The following ACSS2 variants were observed in gnomAD, a reference collection of about 807,000 sequenced individuals.
The protein encoded by ACSS2 is acyl-CoA synthetase short chain family member 2, also known as acetyl-coenzyme A synthetase, cytoplasmic.
A neutral mutation model predicts 90.6 loss-of-function variants in ACSS2; 58 were observed. The observed-to-expected ratio is 0.64, with a 90% confidence interval of 0.52 to 0.80. ACSS2 has a LOEUF of 0.80. ACSS2 is among the 30% of genes least tolerant of loss of function. The pLI, the probability that ACSS2 is intolerant of heterozygous loss-of-function variation, is 0.00. For synonymous variants in ACSS2, 300 were observed against 330.9 expected (o/e 0.91, Z 1.01); for missense variants, 759 against 912.0 (o/e 0.83, Z 2.16).
In ACSS2 at chr20:34,914,445, T is replaced by C; in HGVS notation, c.834+8T>C. On this transcript the variant is annotated splice_region_variant and intron_variant, in intron 7 of 17. Coordinates refer to ENST00000360596, the MANE Select transcript of ACSS2 (RefSeq NM_018677.4). ...TCATGCCCAGATGTGCAGGTGAGTC[T>C]GGCACTGCTATGCCTTTCTCCAGGC... 6.2e-7 allele frequency: 1 copy of C among 1,600,126 alleles called. No individual in the cohort carries two copies.
chr20:34,904,773 C>T (rs554696232), intron 2 of ACSS2, among the ~76,000 whole-genome samples: 27 of 152,222 alleles, frequency 1.8e-4, no homozygotes, highest in African/African-American at 5.5e-4. Flanking sequence ...GACTGTGTAC[C>T]ATGGGTTGTC....
intron 2 of ACSS2, among the ~76,000 whole-genome samples, chr20:34,903,476 G>C (rs1333766683): frequency 6.6e-6 from 1 of 152,124 alleles, no homozygotes; most frequent in African/African-American, 2.4e-5. Flanking sequence ...GACCGGGGTG[G>C]AGACAATGAA....
At chr20:34,880,792 A>G (rs1027438871) in intron 1 of ACSS2, among the ~76,000 whole-genome samples, 1 of 152,054 alleles carries the variant, frequency 6.6e-6, no homozygotes, top group Admixed American at 6.6e-5. Flanking sequence ...ACAACGTTGT[A>G]CACTATGTGA....
intron 2 of ACSS2, among the ~76,000 whole-genome samples, chr20:34,884,191 C>T (rs545451336): frequency 6.6e-6 from 1 of 152,196 alleles, no homozygotes; most frequent in Non-Finnish European, 1.5e-5. Context: ...AACTCCTGAA[C>T]TCAAGCGATC....
chr20:34,909,404 G>A (rs1422845096), intron 2 of ACSS2, among the ~76,000 whole-genome samples: 1 of 151,926 alleles, frequency 6.6e-6, no homozygotes, highest in Non-Finnish European at 1.5e-5. Context: ...AAGAGAAATA[G>A]TTCTTTAAGT....
chr20:34,895,413 G>T (rs2080438707), intron 2 of ACSS2, among the ~76,000 whole-genome samples: 1 of 152,146 alleles, frequency 6.6e-6, no homozygotes, highest in Non-Finnish European at 1.5e-5. Flanking sequence ...TCTTTCTTAA[G>T]ATAAATATGT....
rs59343003 is a variant in ACSS2 at position 34,919,576 on chromosome 20, AGTGTGTGTGTGTGTGTGTGT to A, written c.972+29_972+48del. 3.2e-5 allele frequency: 47 copies of A among 1,475,110 alleles called. No homozygotes were observed. The highest frequency in any genetic ancestry group is 8.7e-5 in the African/African-American group (6 of 68,634). The allele number at this position is 1,475,110 out of a possible 1,614,324, so 91.4% of individuals were successfully genotyped here. A position where few individuals can be genotyped will look rare whatever the true frequency, so the allele number is the denominator to read the frequency against. ...TGGCTCCACAGGCAAACCCAAGGCA[AGTGTGTGTGTGTGTGTGTGT>A]GTGTGTGTGTGTGTGTGTGTGTGTA... On this transcript the variant is annotated splice_donor_5th_base_variant and intron_variant, in intron 8 of 17. Coordinates refer to ENST00000360596, the MANE Select transcript of ACSS2 (RefSeq NM_018677.4).
chr20:34,921,658 T>C, intron 12 of ACSS2, 58 bp downstream of exon 12: 7 of 1,613,330 alleles, frequency 4.3e-6, no homozygotes, highest in Non-Finnish European at 5.9e-6. Flanking sequence ...CTTGGGGCAC[T>C]TGGCCTAGTT....
intron 2 of ACSS2, chr20:34,908,646 G>A: frequency 4.9e-6 from 1 of 205,850 alleles, no homozygotes; most frequent in Non-Finnish European, 9.9e-6. Flanking sequence ...TGGATCACCT[G>A]ACGTCAGGAG....
In ACSS2 at chr20:34,915,374, G is replaced by T; in HGVS notation, c.834+937G>T. 4.1e-6 allele frequency: 5 copies of T among 1,205,698 alleles called. No homozygotes were observed. In the South Asian group the frequency reaches 5.0e-5, roughly 12 times the overall value. 74.7% of individuals were successfully genotyped at this position (1,205,698 alleles called of 1,614,324 possible). ...TGCCAGACCTAACCTCCTTCCCCTT[G>T]CCCCTGGGCAACTTGACATCTAAGC... On this transcript the variant is annotated intron_variant, in intron 7 of 17. Coordinates refer to ENST00000360596, the MANE Select transcript of ACSS2 (RefSeq NM_018677.4).
chr20:34,925,793 C>A (rs368792018), intron 15 of ACSS2, 27 bp downstream of exon 15: 2 of 1,604,496 alleles, frequency 1.2e-6, no homozygotes, highest in Admixed American at 1.7e-5. Flanking sequence ...ACCTTCCCAT[C>A]TTATTAACTC....
chr20:34,897,529 G>T (rs969143438), intron 2 of ACSS2, among the ~76,000 whole-genome samples: 11 of 152,136 alleles, frequency 7.2e-5, no homozygotes, highest in African/African-American at 2.7e-4. Flanking sequence ...CCATGTTATA[G>T]GCCGGATGCA....
chr20:34,913,928 A>T, intron 5 of ACSS2, 103 bp downstream of exon 5: 4 of 1,388,448 alleles, frequency 2.9e-6, no homozygotes, highest in Non-Finnish European at 4.1e-6. Flanking sequence ...GAGGGTAGAG[A>T]CTGCCTGCCT....
intron 2 of ACSS2, among the ~76,000 whole-genome samples, chr20:34,893,055 C>T (rs2080373292): frequency 6.6e-6 from 1 of 152,146 alleles, no homozygotes; most frequent in Admixed American, 6.5e-5. Context: ...GTACTATTAC[C>T]ATTCTTTCAC....
At chr20:34,902,971 A>G (rs1205892726) in intron 2 of ACSS2, among the ~76,000 whole-genome samples, 2 of 149,980 alleles carry the variant, frequency 1.3e-5, no homozygotes, top group Non-Finnish European at 3.0e-5. Flanking sequence ...GGGCTCAAGC[A>G]ATCCTCCCAC....
intron 7 of ACSS2, 79 bp downstream of exon 7, chr20:34,914,516 C>T (rs1303867815): frequency 1.8e-5 from 22 of 1,241,996 alleles, no homozygotes; most frequent in East Asian, 2.5e-5. Context: ...TGATGTCCTT[C>T]TTTGCCTGCT....
At chr20:34,879,247 G>T (rs1439642357) in intron 1 of ACSS2, among the ~76,000 whole-genome samples, 1 of 151,760 alleles carries the variant, frequency 6.6e-6, no homozygotes, top group Non-Finnish European at 1.5e-5. Context: ...GCTCCACCCT[G>T]CCTCTCTATT....
Position 34,889,209 on chromosome 20 carries a change from G to A in ACSS2, c.374+6220G>A, listed in dbSNP as rs77970233. ...ACAATCTTCGCTCACTGCAAGCTCT[G>A]CCTCCTGGGTTCACACCATTCTCCT... On this transcript the variant is annotated intron_variant, in intron 2 of 17. Transcript: ENST00000360596. Among the ~76,000 whole-genome samples the A allele has an allele frequency of 2.4e-3, 359 of 152,080 alleles. 13 individuals carry two copies. The East Asian group carries it at 0.065, about 27-fold the overall frequency.
intron 5 of ACSS2, 58 bp from the exon 6 acceptor site, chr20:34,914,038 G>T: frequency 1.3e-6 from 2 of 1,579,160 alleles, no homozygotes; most frequent in Non-Finnish European, 1.7e-6. Flanking sequence ...TATGGACATT[G>T]TGCCCACTAG....
Sources: gnomAD v4.1 joint callset for allele counts (sites outside exome capture counted in the v4.1 genomes callset) on GRCh38, gnomAD v4.1.1 for gene constraint, MANE v1.5 for transcripts, NCBI Gene and HGNC (gene_info 2026-07-23, HGNC 2026-07-21) for gene names.